GDI2: variants seen among roughly 807,000 people sequenced by gnomAD.
GDI2 encodes the protein rab GDP dissociation inhibitor beta.
GDI2 carries 22 observed loss-of-function variants against 54.2 expected under a neutral mutation model. The ratio of observed to expected loss-of-function variants is 0.41; its 90% CI spans 0.29 to 0.58. GDI2 has a LOEUF of 0.58. Ranked by LOEUF, GDI2 falls within the 20% of genes least tolerant of loss-of-function variation. GDI2 has a pLI of 0.35. For missense variants in GDI2, 422 were observed against 546.0 expected (o/e 0.77, Z 2.26); for synonymous variants, 177 against 182.1 (o/e 0.97, Z 0.23).
intron 4 of GDI2, among the ~76,000 whole-genome samples, chr10:5,793,575 G>C (rs1156457264): frequency 6.6e-6 from 1 of 152,036 alleles, no homozygotes; most frequent in Admixed American, 6.6e-5. Flanking sequence ...AGAGGAAACT[G>C]CCAAAATAAT....
intron 1 of GDI2, chr10:5,811,979 T>C (rs780438227): frequency 6.1e-6 from 4 of 655,120 alleles, no homozygotes; most frequent in Non-Finnish European, 8.9e-6. Context: ...AAAAAAAAAT[T>C]GGTTTGACCC....
chr10:5,782,392 C>T (rs1182522896), intron 6 of GDI2, among the ~76,000 whole-genome samples: 1 of 152,186 alleles, frequency 6.6e-6, no homozygotes, highest in East Asian at 1.9e-4. Context: ...GACACAACCA[C>T]TCCAGAACAC....
At chr10:5,801,147 T>G (rs939504622) in intron 1 of GDI2, among the ~76,000 whole-genome samples, 3 of 151,742 alleles carry the variant, frequency 2.0e-5, no homozygotes, top group Non-Finnish European at 4.4e-5. Flanking sequence ...GAGACAGGGT[T>G]TCACCATGTT....
intron 2 of GDI2, among the ~76,000 whole-genome samples, chr10:5,798,074 A>G (rs2131711909): frequency 6.6e-6 from 1 of 152,344 alleles, no homozygotes; most frequent in Admixed American, 6.5e-5. Flanking sequence ...CACCCATAAC[A>G]TCACCATAAG....
intron 6 of GDI2, among the ~76,000 whole-genome samples, chr10:5,783,175 G>A (rs762588603): frequency 4.6e-5 from 7 of 152,030 alleles, no homozygotes; most frequent in Non-Finnish European, 7.4e-5. Flanking sequence ...TCAGGTTTTA[G>A]TTAAACCCAG....
rs1564385789 is a variant in GDI2 at position 5,765,947 on chromosome 10, A to G, written c.*59T>C. Reference sequence around the variant, plus strand: ...CAGGCCTTACAATATTGATTTCATTATATGCATTATTTGCCAAATTTTAAA... The same window carrying G: ...CAGGCCTTACAATATTGATTTCATTGTATGCATTATTTGCCAAATTTTAAA... On this transcript the variant is annotated 3_prime_UTR_variant, in exon 11 of 11. Coordinates refer to ENST00000380191, the MANE Select transcript of GDI2 (RefSeq NM_001494.4). 2.4e-5 allele frequency: 30 copies of G among 1,235,540 alleles called. No homozygotes were observed. The South Asian group carries it at 4.2e-4, about 17-fold the overall frequency. The allele number at this position is 1,235,540 out of a possible 1,614,324, so 76.5% of individuals were successfully genotyped here.
chr10:5,785,079 C>A, intron 6 of GDI2, 63 bp downstream of exon 6: 1 of 1,157,898 alleles, frequency 8.6e-7, no homozygotes, highest in South Asian at 1.7e-5. Context: ...AACTATATCT[C>A]ATATACACAT....
chr10:5,771,470 A>G (rs1053275172), intron 7 of GDI2, among the ~76,000 whole-genome samples: 3 of 152,346 alleles, frequency 2.0e-5, no homozygotes, highest in African/African-American at 7.2e-5. Flanking sequence ...AGCATATTTT[A>G]TGTGTGACCC....
At chr10:5,792,945 C>T (rs1446766494) in intron 4 of GDI2, among the ~76,000 whole-genome samples, 6 of 147,368 alleles carry the variant, frequency 4.1e-5, no homozygotes, top group Non-Finnish European at 8.9e-5. Context: ...AAGAAAGAAC[C>T]CACGACCTTT....
chr10:5,768,059 C>T lies in GDI2; in HGVS notation c.991+154G>A, dbSNP rs781273155. ...TCTGTCCGCGTTGACACAATGCTGC[C>T]GGAGCAGGAGGAGGTACAAAGATTT... On this transcript the variant is annotated intron_variant, in intron 8 of 10. Coordinates refer to ENST00000380191, the MANE Select transcript of GDI2 (RefSeq NM_001494.4). This position sits in a 1 kb window ranked among gnomAD's most constrained non-coding sequence, Gnocchi z 4.4. Among the ~76,000 whole-genome samples the T allele has an allele frequency of 3.6e-4, 54 of 149,936 alleles. No individual in the cohort carries two copies. Among genetic ancestry groups the T allele is most frequent in the African/African-American group, 1.2e-3 (50 of 40,814 alleles).
At chr10:5,806,381 C>A (rs1345963819) in intron 1 of GDI2, among the ~76,000 whole-genome samples, 1 of 151,692 alleles carries the variant, frequency 6.6e-6, no homozygotes, top group Non-Finnish European at 1.5e-5. Flanking sequence ...CACAGTGAGA[C>A]CCCCATCTCT....
At chr10:5,785,749 A>T in intron 5 of GDI2, 103 bp downstream of exon 5, 2 of 719,498 alleles carry the variant, frequency 2.8e-6, no homozygotes, top group Admixed American at 2.3e-5. Context: ...TTCATAGTGC[A>T]ATATGGCTAA....
At position 5,776,710 on chromosome 10, in the gene GDI2, T is replaced by C; in HGVS notation, c.720-2769A>G. On this transcript the variant is annotated intron_variant, in intron 6 of 10. Coordinates refer to ENST00000380191, the MANE Select transcript of GDI2 (RefSeq NM_001494.4). This position sits in a 1 kb window ranked among gnomAD's most constrained non-coding sequence, Gnocchi z 5.3. ...GGAGCTTGCCGCCACATTCAGAAAC[T>C]GCTACAGCCTCTTTAACCTGGCAGA... 4.1e-6 allele frequency: 6 copies of C among 1,465,226 alleles called. No individual in the cohort carries two copies. The highest frequency in any genetic ancestry group is 5.7e-6 in the Non-Finnish European group (6 of 1,052,554). 90.8% of individuals were successfully genotyped at this position (1,465,226 alleles called of 1,614,324 possible).
At chr10:5,800,299 T>C (rs1841240002) in intron 2 of GDI2, among the ~76,000 whole-genome samples, 2 of 151,898 alleles carry the variant, frequency 1.3e-5, no homozygotes, top group Admixed American at 6.6e-5. Context: ...TTTGAGGGAC[T>C]GAGAAAATAA....
At chr10:5,804,306 T>C (rs1841331049) in intron 1 of GDI2, among the ~76,000 whole-genome samples, 1 of 152,094 alleles carries the variant, frequency 6.6e-6, no homozygotes. Flanking sequence ...GTTGGCCAGG[T>C]TGGTCTTGAA....
At chr10:5,769,574 G>GAAA (rs549279365) in intron 7 of GDI2, among the ~76,000 whole-genome samples, 4 of 83,700 alleles carry the variant, frequency 4.8e-5, no homozygotes, top group East Asian at 2.4e-4. Flanking sequence ...CGTCTCAAAA[G>GAAA]AAAAAAAAAA....
chr10:5,776,468 T>G lies in GDI2; in HGVS notation c.720-2527A>C. The G allele has an allele frequency of 1.0e-6, 1 of 954,552 alleles. No homozygotes were observed. The highest frequency in any genetic ancestry group is 1.7e-6 in the Non-Finnish European group (1 of 582,790). 59.1% of individuals were successfully genotyped at this position (954,552 alleles called of 1,614,324 possible). A position where few individuals can be genotyped will look rare whatever the true frequency, so the allele number is the denominator to read the frequency against. On this transcript the variant is annotated intron_variant, in intron 6 of 10. Coordinates refer to ENST00000380191, the MANE Select transcript of GDI2 (RefSeq NM_001494.4). The surrounding 1 kb of genome is among the most constrained non-coding windows in gnomAD (Gnocchi z 5.3). ...TACTATTTTTACTTTAGCAAAAGAG[T>G]GAGCCAGCAGAGCCATGTATTAGAA...
chr10:5,785,124 T>C lies in GDI2; in HGVS notation c.719+18A>G. ...GATGAGGTTTTGGATCACTGAGGTT[T>C]TAAACACAGGCTCTTACCTTGCAAA... is the stretch of plus-strand genomic sequence containing the variant. On this transcript the variant is annotated intron_variant, in intron 6 of 10. Transcript: ENST00000380191. 1 of 1,556,948 alleles carries C rather than the reference T, an allele frequency of 6.4e-7. No homozygotes were observed. Among genetic ancestry groups the C allele is most frequent in the Non-Finnish European group, 8.7e-7 (1 of 1,152,352 alleles).
intron 1 of GDI2, among the ~76,000 whole-genome samples, chr10:5,808,921 T>C (rs991488161): frequency 1.1e-4 from 17 of 152,128 alleles, no homozygotes; most frequent in Non-Finnish European, 1.8e-4. Flanking sequence ...AATGTTTCTT[T>C]AAATGACTCT....
Sources: gnomAD v4.1 joint callset for allele counts (sites outside exome capture counted in the v4.1 genomes callset) on GRCh38, gnomAD v4.1.1 for gene constraint, Gnocchi (gnomAD v3.1) non-coding constraint, MANE v1.5 for transcripts, NCBI Gene and HGNC (gene_info 2026-07-23, HGNC 2026-07-21) for gene names.